The following ASIC2 variants were observed in gnomAD, a reference collection of about 807,000 sequenced individuals.
ASIC2 encodes acid sensing ion channel subunit 2.
In ASIC2, 25 loss-of-function variants were observed where a neutral mutation model predicts 57.3. The ratio of observed to expected loss-of-function variants is 0.44; its 90% CI spans 0.32 to 0.61. The LOEUF is 0.61. Ranked by LOEUF, ASIC2 falls within the 20% of genes least tolerant of loss-of-function variation. The probability of loss-of-function intolerance (pLI) is 0.06; values close to 1 mark genes in which losing one functional copy is unlikely to be tolerated. For synonymous variants in ASIC2, 319 were observed against 307.5 expected (o/e 1.04, Z -0.39); for missense variants, 641 against 738.1 (o/e 0.87, Z 1.52).
intron 1 of ASIC2, among the ~76,000 whole-genome samples, chr17:33,998,015 G>T (rs1044797560): frequency 6.6e-6 from 1 of 152,098 alleles, no homozygotes; most frequent in African/African-American, 2.4e-5. Flanking sequence ...AAGCCATCAG[G>T]TCCCAGGCTC....
At chr17:33,923,588 A>G (rs1383710072) in intron 1 of ASIC2, among the ~76,000 whole-genome samples, 2 of 152,198 alleles carry the variant, frequency 1.3e-5, no homozygotes, top group Admixed American at 6.5e-5. Flanking sequence ...ACAATTATTT[A>G]TAGGGAAAAT....
At chr17:33,947,967 T>C (rs993373859) in intron 1 of ASIC2, among the ~76,000 whole-genome samples, 14 of 152,382 alleles carry the variant, frequency 9.2e-5, no homozygotes, top group African/African-American at 3.4e-4. Flanking sequence ...TCTTAAGTGC[T>C]AACTAAGCAC....
intron 1 of ASIC2, among the ~76,000 whole-genome samples, chr17:33,798,980 G>A (rs886553779): frequency 3.3e-5 from 5 of 152,188 alleles, no homozygotes; most frequent in African/African-American, 1.2e-4. Context: ...GTGGGACCCA[G>A]CCATCTCTGT....
intron 1 of ASIC2, among the ~76,000 whole-genome samples, chr17:34,092,880 T>C (rs913536927): frequency 4.6e-5 from 7 of 152,184 alleles, no homozygotes; most frequent in African/African-American, 1.7e-4. Context: ...TTTTATTATG[T>C]ATTTATTTAT....
chr17:33,073,963 A>C (rs925349015), intron 3 of ASIC2, among the ~76,000 whole-genome samples: 1 of 152,110 alleles, frequency 6.6e-6, no homozygotes, highest in Non-Finnish European at 1.5e-5. Flanking sequence ...AGGAGAGAGA[A>C]CAACAGAGAG....
chr17:33,524,295 T>C (rs946073385), intron 1 of ASIC2, among the ~76,000 whole-genome samples: 2 of 152,160 alleles, frequency 1.3e-5, no homozygotes, highest in Non-Finnish European at 2.9e-5. Flanking sequence ...TCCCAGTACA[T>C]CGTCAGGGTA....
Position 33,865,469 on chromosome 17 carries a change from T to A in ASIC2, c.555+290509A>T, listed in dbSNP as rs553841092. Among the ~76,000 whole-genome samples the A allele has an allele frequency of 5.3e-5, 8 of 152,334 alleles. No homozygotes were observed. In the East Asian group the frequency reaches 1.2e-3, roughly 22 times the overall value. On this transcript the variant is annotated intron_variant, in intron 1 of 9. Transcript: ENST00000359872. ...CTGCCAGGTACAGCCACTATTAACA[T>A]CTTGGAGCATATATTTCCAGAATTT...
chr17:33,225,324 C>T (rs561440894), intron 1 of ASIC2, among the ~76,000 whole-genome samples: 46 of 152,272 alleles, frequency 3.0e-4, no homozygotes, highest in Middle Eastern at 3.4e-3. Context: ...TTACTGTCTG[C>T]GTGATTGGAG....
intron 1 of ASIC2, among the ~76,000 whole-genome samples, chr17:33,759,417 G>A (rs1013928314): frequency 3.3e-5 from 5 of 152,178 alleles, no homozygotes; most frequent in African/African-American, 9.7e-5. Context: ...TTGGAAAAAC[G>A]TACAGCCTGG....
intron 1 of ASIC2, among the ~76,000 whole-genome samples, chr17:33,481,924 G>C (rs1478118959): frequency 6.6e-6 from 1 of 152,118 alleles, no homozygotes; most frequent in African/African-American, 2.4e-5. Context: ...TTTTTGCCAA[G>C]TACAGTGCAT....
intron 1 of ASIC2, among the ~76,000 whole-genome samples, chr17:34,076,990 T>C (rs1909690857): frequency 6.6e-6 from 1 of 152,212 alleles, no homozygotes; most frequent in South Asian, 2.1e-4. Flanking sequence ...TCACGGGCTG[T>C]CTCATCTAGC....
chr17:33,602,123 T>C (rs1027769379), intron 1 of ASIC2, among the ~76,000 whole-genome samples: 2 of 151,432 alleles, frequency 1.3e-5, no homozygotes, highest in Non-Finnish European at 3.0e-5. Context: ...GATAAGACTT[T>C]GGAGTTTGGA....
At chr17:33,380,550 A>G (rs959012079) in intron 1 of ASIC2, among the ~76,000 whole-genome samples, 2 of 152,176 alleles carry the variant, frequency 1.3e-5, no homozygotes, top group African/African-American at 4.8e-5. Context: ...CTGTCTCCAG[A>G]TGTTTTACAT....
At chr17:33,366,493 A>G (rs1333768944) in intron 1 of ASIC2, among the ~76,000 whole-genome samples, 1 of 152,108 alleles carries the variant, frequency 6.6e-6, no homozygotes, top group Non-Finnish European at 1.5e-5. Flanking sequence ...GCTCCTACTC[A>G]TGACTCAAAA....
intron 1 of ASIC2, among the ~76,000 whole-genome samples, chr17:33,167,164 C>T (rs1905336256): frequency 6.6e-6 from 1 of 152,098 alleles, no homozygotes; most frequent in Non-Finnish European, 1.5e-5. Flanking sequence ...CAACATGTCC[C>T]AAGCCACCTT....
intron 1 of ASIC2, among the ~76,000 whole-genome samples, chr17:33,961,457 G>A (rs1904918224): frequency 6.6e-6 from 1 of 152,204 alleles, no homozygotes; most frequent in Non-Finnish European, 1.5e-5. Flanking sequence ...CCTGGGAATT[G>A]AGAGAGTATC....
intron 3 of ASIC2, among the ~76,000 whole-genome samples, chr17:33,077,587 G>A (rs1396347890): frequency 6.6e-6 from 1 of 152,198 alleles, no homozygotes; most frequent in African/African-American, 2.4e-5. Flanking sequence ...ATCTCAGTAG[G>A]TGAGGGACCA....
At chr17:33,498,260 A>T (rs1302223748) in intron 1 of ASIC2, among the ~76,000 whole-genome samples, 1 of 152,216 alleles carries the variant, frequency 6.6e-6, no homozygotes, top group Non-Finnish European at 1.5e-5. Context: ...TTGAGCAATA[A>T]TCCAAAGCTG....
intron 1 of ASIC2, among the ~76,000 whole-genome samples, chr17:33,467,415 A>T (rs1019631445): frequency 2.6e-5 from 4 of 152,220 alleles, no homozygotes; most frequent in Admixed American, 6.5e-5. Flanking sequence ...AACCATCTGA[A>T]TGGATCCCTC....
Sources: gnomAD v4.1 joint callset for allele counts (sites outside exome capture counted in the v4.1 genomes callset) on GRCh38, gnomAD v4.1.1 for gene constraint, MANE v1.5 for transcripts, NCBI Gene and HGNC (gene_info 2026-07-23, HGNC 2026-07-21) for gene names.